LRRC63: variants seen among roughly 807,000 people sequenced by gnomAD.
LRRC63 encodes leucine-rich repeat-containing protein 63.
A neutral mutation model predicts 49.5 loss-of-function variants in LRRC63; 40 were observed. The observed-to-expected ratio is 0.81, with a 90% CI of 0.63 to 1.05. The LOEUF (loss-of-function observed/expected upper bound fraction) is 1.05, where lower values mean the gene tolerates loss of function less well. Ranked by LOEUF, LRRC63 falls within the 50% of genes least tolerant of loss-of-function variation. The probability of loss-of-function intolerance (pLI) is 0.00; values close to 1 mark genes in which losing one functional copy is unlikely to be tolerated. For missense variants in LRRC63, 636 were observed against 663.1 expected, an observed-to-expected ratio of 0.96 and a Z score of 0.45; for synonymous variants, 191 against 221.1, an observed-to-expected ratio of 0.86 and a Z score of 1.21.
At chr13:46,233,981 T>C (rs548924038) in intron 4 of LRRC63, among the ~76,000 whole-genome samples, 185 of 152,282 alleles carry the variant, frequency 1.2e-3, no homozygotes, top group African/African-American at 4.2e-3. Context: ...TAATGGTGCA[T>C]TTAAAATTAC....
At chr13:46,259,916 T>A (rs2047586793) in intron 7 of LRRC63, among the ~76,000 whole-genome samples, 1 of 152,178 alleles carries the variant, frequency 6.6e-6, no homozygotes, top group Admixed American at 6.5e-5. Context: ...AGGGCTCTAG[T>A]TTAGGCAGCT....
chr13:46,258,955 A>G (rs546783602), intron 7 of LRRC63, among the ~76,000 whole-genome samples: 1 of 152,286 alleles, frequency 6.6e-6, no homozygotes, highest in East Asian at 1.9e-4. Context: ...GATTGTTTCA[A>G]TATAGGGCAA....
chr13:46,275,656 AT>A (rs34767583), intron 9 of LRRC63, among the ~76,000 whole-genome samples: 37,100 of 148,942 alleles, frequency 0.25, 4,928 homozygotes, highest in East Asian at 0.36. Context: ...TTAAAATCAG[AT>A]TTTTTTTTTT....
intron 2 of LRRC63, among the ~76,000 whole-genome samples, chr13:46,224,510 T>A (rs2046511110): frequency 6.6e-6 from 1 of 152,212 alleles, no homozygotes; most frequent in South Asian, 2.1e-4. Flanking sequence ...TTCTCTTGTA[T>A]CTAACTGAGC....
At chr13:46,228,536 CTTCATGAATATATT>C (rs2046646374) in intron 3 of LRRC63, 115 bp from the exon 4 acceptor site, 2 of 654,226 alleles carry the variant, frequency 3.1e-6, no homozygotes, top group Non-Finnish European at 5.4e-6. Context: ...TGATAGACGC[CTTCATGAATATATT>C]TTCATGGATA....
intron 7 of LRRC63, among the ~76,000 whole-genome samples, chr13:46,258,212 C>A (rs1465083586): frequency 6.7e-6 from 1 of 150,010 alleles, no homozygotes; most frequent in Non-Finnish European, 1.5e-5. Context: ...TCACCACAAC[C>A]TCTGCCTCCT....
chr13:46,228,291 A>G (rs11843461), intron 3 of LRRC63, 102 bp downstream of exon 3: 21,418 of 838,010 alleles, frequency 0.026, 696 homozygotes, highest in African/African-American at 0.14. Flanking sequence ...GGTTTGCAGA[A>G]TGGGAGGATG....
chr13:46,266,085 T>C (rs986139173), intron 8 of LRRC63, among the ~76,000 whole-genome samples: 1 of 151,102 alleles, frequency 6.6e-6, no homozygotes, highest in Non-Finnish European at 1.5e-5. Flanking sequence ...GACCAGCCTT[T>C]GATTTGATTT....
At chr13:46,220,066 C>T (rs1435728068) in intron 2 of LRRC63, among the ~76,000 whole-genome samples, 2 of 152,206 alleles carry the variant, frequency 1.3e-5, no homozygotes, top group Non-Finnish European at 2.9e-5. Flanking sequence ...GTCTCCCAGT[C>T]ATGAGGCACG....
At chr13:46,217,893 C>G (rs1366724894) in intron 2 of LRRC63, among the ~76,000 whole-genome samples, 1 of 152,160 alleles carries the variant, frequency 6.6e-6, no homozygotes, top group East Asian at 1.9e-4. Context: ...GCAGGTTGTT[C>G]AGTTTCCATG....
intron 2 of LRRC63, among the ~76,000 whole-genome samples, chr13:46,220,541 A>C (rs1251211334): frequency 6.6e-6 from 1 of 151,728 alleles, no homozygotes; most frequent in African/African-American, 2.4e-5. Flanking sequence ...GCTCAGCTCC[A>C]TGGGGGTGGG....
intron 5 of LRRC63, among the ~76,000 whole-genome samples, chr13:46,237,628 A>G (rs1439545408): frequency 1.3e-5 from 2 of 152,150 alleles, no homozygotes; most frequent in African/African-American, 4.8e-5. Context: ...AGAGAATAGA[A>G]AAACAGTAGA....
At chr13:46,229,576 C>A (rs1477172505) in intron 4 of LRRC63, among the ~76,000 whole-genome samples, 5 of 152,028 alleles carry the variant, frequency 3.3e-5, no homozygotes, top group Non-Finnish European at 7.3e-5. Flanking sequence ...ATACTTGGGA[C>A]TTGAGGGAGA....
At chr13:46,266,957 A>T in exon 9 of LRRC63, 1 of 1,535,070 alleles carries the variant, frequency 6.5e-7, no homozygotes, top group East Asian at 2.5e-5. Flanking sequence ...GTAGAAGTTC[A>T]GAAGTTACTA....
intron 2 of LRRC63, among the ~76,000 whole-genome samples, chr13:46,214,762 C>G (rs1021341924): frequency 6.6e-6 from 1 of 152,078 alleles, no homozygotes; most frequent in African/African-American, 2.4e-5. Context: ...TTTCTCCCCT[C>G]ACCCTCCACC....
intron 2 of LRRC63, among the ~76,000 whole-genome samples, chr13:46,224,875 T>G (rs1337757749): frequency 6.6e-6 from 1 of 152,228 alleles, no homozygotes; most frequent in Non-Finnish European, 1.5e-5. Flanking sequence ...AGGATTAGGC[T>G]GCAATTATTA....
At chr13:46,219,961 C>T (rs185899162) in intron 2 of LRRC63, among the ~76,000 whole-genome samples, 7 of 152,336 alleles carry the variant, frequency 4.6e-5, no homozygotes. Context: ...TTGTTGCCTG[C>T]TTCTTCCACT....
intron 7 of LRRC63, 148 bp from the exon 8 acceptor site, chr13:46,261,761 A>G (rs1380590055): frequency 1.2e-5 from 4 of 330,874 alleles, no homozygotes; most frequent in Non-Finnish European, 2.2e-5. Flanking sequence ...CATAGTAATT[A>G]CACGATCTAT....
chr13:46,221,949 C>T (rs564202692), intron 2 of LRRC63, among the ~76,000 whole-genome samples: 83 of 152,126 alleles, frequency 5.5e-4, no homozygotes, highest in Non-Finnish European at 1.2e-3. Context: ...GGTTGTCAGG[C>T]GTACAGTGAA....
Sources: gnomAD v4.1 joint callset for allele counts (sites outside exome capture counted in the v4.1 genomes callset) on GRCh38, gnomAD v4.1.1 for gene constraint, MANE v1.5 for transcripts, NCBI Gene and HGNC (gene_info 2026-07-23, HGNC 2026-07-21) for gene names.